The following KAZN variants were observed in gnomAD, a reference collection of about 807,000 sequenced individuals.
The protein encoded by KAZN is kazrin, periplakin interacting protein.
KAZN carries 40 observed loss-of-function variants against 87.4 expected under a neutral mutation model. The ratio of observed to expected loss-of-function variants is 0.46; its 90% CI spans 0.36 to 0.60. The LOEUF is 0.60. Among genes scored for constraint, KAZN ranks in the 20% least tolerant of loss-of-function variants. The pLI is 0.00. For synonymous variants in KAZN, 466 were observed against 458.3 expected (o/e 1.02, Z -0.22); for missense variants, 898 against 1,073.9 (o/e 0.84, Z 2.29).
chr1:14,080,179 A>C (rs1259454511), intron 1 of KAZN, among the ~76,000 whole-genome samples: 1 of 69,922 alleles, frequency 1.4e-5, no homozygotes, highest in African/African-American at 5.3e-5. Flanking sequence ...AAAACAAACA[A>C]GTTTATTAAT....
intron 8 of KAZN, among the ~76,000 whole-genome samples, chr1:15,085,991 G>A (rs1348930739): frequency 6.7e-6 from 1 of 148,590 alleles, no homozygotes; most frequent in East Asian, 2.0e-4. Context: ...ATTTTTTTGA[G>A]ACAGAGTTTT....
rs566687786 is a variant in KAZN, at chr1:14,509,638, G to A, written c.250-89345G>A. Among the ~76,000 whole-genome samples the A allele has an allele frequency of 4.6e-5, 7 of 152,306 alleles. No individual in the cohort carries two copies. The East Asian group carries it at 1.4e-3, about 29-fold the overall frequency. ...CATTCACAAATGATTCCGTGAGCTT[G>A]CATCACACGCCAGGCCTGTGTCTGA... On this transcript the variant is annotated intron_variant, in intron 2 of 16. Coordinates refer to the KAZN transcript ENST00000636203.
chr1:15,092,701 T>C (rs528053445), intron 8 of KAZN, among the ~76,000 whole-genome samples: 3 of 152,106 alleles, frequency 2.0e-5, no homozygotes, highest in Non-Finnish European at 4.4e-5. Flanking sequence ...CTCAAACTCC[T>C]GAAGCTCAAG....
chr1:13,913,577 C>G (rs1639730287), intron 1 of KAZN, among the ~76,000 whole-genome samples: 1 of 152,130 alleles, frequency 6.6e-6, no homozygotes, highest in Admixed American at 6.5e-5. Context: ...TCCAGCAAGG[C>G]AATTCTTACA....
At chr1:14,288,989 G>GT (rs1397911596) in intron 2 of KAZN, among the ~76,000 whole-genome samples, 2 of 152,188 alleles carry the variant, frequency 1.3e-5, no homozygotes, top group Non-Finnish European at 2.9e-5. Context: ...TACATGTGTG[G>GT]TTTTCAGTGA....
intron 1 of KAZN, among the ~76,000 whole-genome samples, chr1:14,143,909 GGT>G (rs1645292885): frequency 6.6e-6 from 1 of 151,992 alleles, no homozygotes. Flanking sequence ...GCAGAGGCAG[GGT>G]ATTACCACGT....
At chr1:15,065,189 C>A (rs139007776) in intron 7 of KAZN, among the ~76,000 whole-genome samples, 1 of 151,914 alleles carries the variant, frequency 6.6e-6, no homozygotes, top group East Asian at 1.9e-4. Context: ...TCACCACATC[C>A]GGCTAATTTT....
chr1:15,003,024 A>G (rs1453842094), intron 2 of KAZN, among the ~76,000 whole-genome samples: 1 of 151,768 alleles, frequency 6.6e-6, no homozygotes, highest in Non-Finnish European at 1.5e-5. Flanking sequence ...ACACACACAC[A>G]CACACACACA....
chr1:14,311,408 T>A (rs1655285531), intron 2 of KAZN, among the ~76,000 whole-genome samples: 1 of 152,212 alleles, frequency 6.6e-6, no homozygotes, highest in South Asian at 2.1e-4. Context: ...AATAAGATGC[T>A]TAGAAATCCC....
chr1:14,514,604 T>TATATGA (rs1671194656), intron 2 of KAZN, among the ~76,000 whole-genome samples: 1 of 33,942 alleles, frequency 2.9e-5, no homozygotes, highest in African/African-American at 1.8e-4. Flanking sequence ...TTTATATATA[T>TATATGA]ATATATATAT....
At chr1:14,302,331 A>T (rs1037738024) in intron 2 of KAZN, among the ~76,000 whole-genome samples, 2 of 152,244 alleles carry the variant, frequency 1.3e-5, no homozygotes, top group East Asian at 3.8e-4. Context: ...GGAAGCAGGT[A>T]TAGCCTCTCC....
chr1:14,555,191 A>G (rs985059818), intron 2 of KAZN, among the ~76,000 whole-genome samples: 3 of 152,192 alleles, frequency 2.0e-5, no homozygotes, highest in Non-Finnish European at 2.9e-5. Context: ...TTGCATAGCA[A>G]ATCTGCACTC....
At chr1:14,145,404 A>G (rs1460792506) in intron 1 of KAZN, among the ~76,000 whole-genome samples, 2 of 152,058 alleles carry the variant, frequency 1.3e-5, no homozygotes, top group Non-Finnish European at 2.9e-5. Flanking sequence ...TGATTGCACT[A>G]CTGCACTCCA....
At chr1:14,486,103 A>G (rs1257594318) in intron 2 of KAZN, among the ~76,000 whole-genome samples, 1 of 152,142 alleles carries the variant, frequency 6.6e-6, no homozygotes, top group Admixed American at 6.5e-5. Flanking sequence ...TAACGTGGCT[A>G]AGCTCCACTT....
intron 8 of KAZN, among the ~76,000 whole-genome samples, chr1:15,076,082 G>C (rs1446288398): frequency 6.6e-6 from 1 of 152,174 alleles, no homozygotes; most frequent in Non-Finnish European, 1.5e-5. Flanking sequence ...CCTGTGGCCA[G>C]GGCATGTGGA....
intron 2 of KAZN, among the ~76,000 whole-genome samples, chr1:14,394,253 A>C (rs1230028190): frequency 2.0e-5 from 3 of 152,238 alleles, no homozygotes; most frequent in Admixed American, 2.0e-4. Context: ...ATGTGATCTT[A>C]TGTCAAGGGG....
intron 2 of KAZN, among the ~76,000 whole-genome samples, chr1:14,188,696 C>A (rs1200663579): frequency 6.6e-6 from 1 of 152,124 alleles, no homozygotes; most frequent in African/African-American, 2.4e-5. Context: ...ATTATGTACC[C>A]ATAGATTATC....
chr1:13,908,640 G>T (rs1639533997), intron 1 of KAZN, among the ~76,000 whole-genome samples: 1 of 152,350 alleles, frequency 6.6e-6, no homozygotes, highest in Admixed American at 6.5e-5. Flanking sequence ...GGAAGGCATT[G>T]ATCACTGATA....
At chr1:14,753,350 A>G (rs1644465962) in intron 1 of KAZN, among the ~76,000 whole-genome samples, 1 of 152,198 alleles carries the variant, frequency 6.6e-6, no homozygotes, top group South Asian at 2.1e-4. Context: ...ACAGTGACAA[A>G]TGCCACAAGG....
Sources: allele counts gnomAD v4.1 joint callset (sites outside exome capture counted in the v4.1 genomes callset), GRCh38; gene constraint gnomAD v4.1.1; transcripts MANE v1.5; gene names NCBI Gene and HGNC (gene_info 2026-07-23, HGNC 2026-07-21).